Variants in ZHX2 observed in about 807,000 individuals in gnomAD.
ZHX2 encodes the protein zinc fingers and homeoboxes protein 2.
Under a neutral mutation model 21.9 loss-of-function variants are expected in ZHX2, and 6 were observed. The ratio of observed to expected loss-of-function variants is 0.27; its 90% CI spans 0.15 to 0.54. The LOEUF (loss-of-function observed/expected upper bound fraction) is 0.54. ZHX2 is among the 20% of genes least tolerant of loss of function. The pLI, the probability that ZHX2 is intolerant of heterozygous loss-of-function variation, is 0.95. For missense variants in ZHX2, 908 were observed against 1,090.7 expected (o/e 0.83, Z 2.36); for synonymous variants, 434 against 437.1 (o/e 0.99, Z 0.09).
At chr8:122,954,187 A>G (rs1206534568) in intron 3 of ZHX2, among the ~76,000 whole-genome samples, 159 bp downstream of exon 3, 1 of 152,272 alleles carries the variant, frequency 6.6e-6, no homozygotes, top group Non-Finnish European at 1.5e-5. Flanking sequence ...TTGATCACAT[A>G]CAATATGATG....
At chr8:122,837,754 G>C (rs1239484120) in intron 1 of ZHX2, among the ~76,000 whole-genome samples, 10 of 152,212 alleles carry the variant, frequency 6.6e-5, no homozygotes. Flanking sequence ...TGGAGGTACA[G>C]AATGCAGCAT....
chr8:122,951,751 A>T lies in ZHX2; in HGVS notation c.241A>T (p.Lys81Ter). The change falls in exon 3 of 4, where the codon AAA becomes TAA. Residue 81 changes from lysine (K) to a stop codon, truncating the protein, a stop_gained. Transcript: ENST00000314393. LOFTEE classifies it high-confidence loss of function. ...SKKLQGGYEC[K>*]YCPYSTQNLN... ...AAAACTCCAAGGTGGTTATGAGTGCAAATACTGCCCCTACTCCACGCAAAA... is the reference window on the plus strand; with the variant it reads ...AAAACTCCAAGGTGGTTATGAGTGCTAATACTGCCCCTACTCCACGCAAAA... 6.2e-7 allele frequency: 1 copy of T among 1,614,154 alleles called. No individual in the cohort carries two copies. Among genetic ancestry groups the T allele is most frequent in the Non-Finnish European group, 8.5e-7 (1 of 1,180,028 alleles).
chr8:122,794,103 C>T (rs940991315), intron 1 of ZHX2, among the ~76,000 whole-genome samples: 4 of 152,168 alleles, frequency 2.6e-5, no homozygotes, highest in African/African-American at 9.7e-5. Context: ...CACCTGAGCA[C>T]CTGAGTACCC....
chr8:122,940,078 T>C lies in ZHX2; in HGVS notation c.-219-11214T>C, dbSNP rs886840773. 5.3e-5 allele frequency among the ~76,000 whole-genome samples: 8 copies of C among 152,180 alleles called. No homozygotes were observed. In the South Asian group the frequency reaches 1.7e-3, roughly 31 times the overall value. Reference sequence around the variant, plus strand: ...AGCCATGGTGAATTAACATGCAGCATTTGGTATTCTCTGGCTTGCATGTGG... The same window carrying C: ...AGCCATGGTGAATTAACATGCAGCACTTGGTATTCTCTGGCTTGCATGTGG... On this transcript the variant is annotated intron_variant, in intron 2 of 3. Transcript: ENST00000314393.
At chr8:122,871,823 G>T (rs117095283) in intron 2 of ZHX2, among the ~76,000 whole-genome samples, 263 of 151,116 alleles carry the variant, frequency 1.7e-3, no homozygotes, top group Non-Finnish European at 3.0e-3. Flanking sequence ...ACTGATTTTA[G>T]GATTAGTGTT....
In ZHX2 at chr8:122,863,262, C is replaced by CTT. The variant is rs144283135; in HGVS notation, c.-282-201_-282-200dup. 476 of 138,134 alleles carry CTT rather than the reference C, an allele frequency of 3.4e-3. 5 individuals are homozygous for CTT. The highest frequency in any genetic ancestry group is 0.01 in the East Asian group (49 of 4,744). The allele number at this position is 138,134 out of a possible 1,614,324, so 8.6% of individuals were successfully genotyped here. A position where few individuals can be genotyped will look rare whatever the true frequency, so the allele number is the denominator to read the frequency against. ...CTGCTGACTCATCCAGGGCTAGGGT[C>CTT]TTTTTTTTTTTTTTTCTTTTTTTCT... On this transcript the variant is annotated intron_variant, in intron 1 of 3. Transcript: ENST00000314393.
intron 1 of ZHX2, among the ~76,000 whole-genome samples, chr8:122,825,097 A>G (rs1818236388): frequency 6.6e-6 from 1 of 152,234 alleles, no homozygotes; most frequent in Admixed American, 6.5e-5. Flanking sequence ...TCGCATCTGC[A>G]GAGTCCTTTC....
At chr8:122,885,269 TG>T in intron 2 of ZHX2, among the ~76,000 whole-genome samples, 1 of 152,350 alleles carries the variant, frequency 6.6e-6, no homozygotes, top group South Asian at 2.1e-4. Context: ...GCTAGCAGAA[TG>T]ATCTTTGGCA....
intron 1 of ZHX2, among the ~76,000 whole-genome samples, chr8:122,856,563 C>T (rs1218072535): frequency 2.6e-5 from 4 of 152,128 alleles, no homozygotes; most frequent in African/African-American, 9.7e-5. Context: ...CTTAAGGGAG[C>T]TGTGTATTTC....
chr8:122,803,757 T>C (rs1406697019), intron 1 of ZHX2, among the ~76,000 whole-genome samples: 1 of 152,092 alleles, frequency 6.6e-6, no homozygotes, highest in Non-Finnish European at 1.5e-5. Context: ...CCAGTAGTGC[T>C]CCCCCTGGCA....
intron 1 of ZHX2, among the ~76,000 whole-genome samples, chr8:122,841,665 C>A (rs940363271): frequency 6.6e-6 from 1 of 152,156 alleles, no homozygotes; most frequent in Non-Finnish European, 1.5e-5. Context: ...TTTCAGCCCT[C>A]CAGCTAGAGA....
chr8:122,932,192 G>A (rs1821011197), intron 2 of ZHX2, among the ~76,000 whole-genome samples: 1 of 152,224 alleles, frequency 6.6e-6, no homozygotes, highest in Non-Finnish European at 1.5e-5. Context: ...AAGAGGTGGA[G>A]TGGAGTGAGA....
intron 1 of ZHX2, among the ~76,000 whole-genome samples, chr8:122,855,573 T>C (rs1819005976): frequency 6.6e-6 from 1 of 152,058 alleles, no homozygotes; most frequent in Non-Finnish European, 1.5e-5. Context: ...TTCATGTGAC[T>C]TGACAAATTT....
At chr8:122,961,127 T>G (rs1209905140) in intron 3 of ZHX2, among the ~76,000 whole-genome samples, 1 of 152,254 alleles carries the variant, frequency 6.6e-6, no homozygotes, top group Non-Finnish European at 1.5e-5. Context: ...GACTAGATGT[T>G]CAAGCTCAGG....
At chr8:122,856,354 A>G (rs1207294926) in intron 1 of ZHX2, among the ~76,000 whole-genome samples, 2 of 152,188 alleles carry the variant, frequency 1.3e-5, no homozygotes, top group African/African-American at 4.8e-5. Context: ...CTAACCAGGC[A>G]CAGCTTTCTG....
chr8:122,963,110 A>T (rs1413601175), intron 3 of ZHX2, among the ~76,000 whole-genome samples: 1 of 152,112 alleles, frequency 6.6e-6, no homozygotes, highest in Non-Finnish European at 1.5e-5. Context: ...TTCTGTGCAG[A>T]AGCTTTTTAG....
chr8:122,786,559 A>T (rs948945853), intron 1 of ZHX2, among the ~76,000 whole-genome samples: 1 of 152,230 alleles, frequency 6.6e-6, no homozygotes, highest in Admixed American at 6.5e-5. Flanking sequence ...CACACCTCAC[A>T]TGTGAACTGT....
At chr8:122,902,596 G>A (rs1343558436) in intron 2 of ZHX2, among the ~76,000 whole-genome samples, 1 of 152,142 alleles carries the variant, frequency 6.6e-6, no homozygotes, top group Non-Finnish European at 1.5e-5. Flanking sequence ...AGGAGACTTG[G>A]GTTCAAATCC....
intron 2 of ZHX2, among the ~76,000 whole-genome samples, chr8:122,927,627 A>G (rs12546533): frequency 0.34 from 52,250 of 152,116 alleles, 10,523 homozygotes; most frequent in African/African-American, 0.57. Context: ...GCAGGCAAGA[A>G]AGCTTGTGCA....
Sources: gnomAD v4.1 joint callset for allele counts (sites outside exome capture counted in the v4.1 genomes callset) on GRCh38, gnomAD v4.1.1 for gene constraint, MANE v1.5 for transcripts, NCBI Gene and HGNC (gene_info 2026-07-23, HGNC 2026-07-21) for gene names.